MTUS2: variants seen among roughly 807,000 people sequenced by gnomAD.
The protein encoded by MTUS2 is microtubule-associated tumor suppressor candidate 2.
MTUS2 carries 40 observed loss-of-function variants against 114.1 expected under a neutral mutation model. That is an observed-to-expected ratio of 0.35 (90% confidence interval 0.27 to 0.46). The LOEUF is 0.46. MTUS2 is among the 20% of genes least tolerant of loss of function. MTUS2 has a pLI of 1.00. For missense variants in MTUS2, 1,679 were observed against 1,705.4 expected (o/e 0.98, Z 0.27); for synonymous variants, 688 against 672.0 (o/e 1.02, Z -0.37).
intron 2 of MTUS2, among the ~76,000 whole-genome samples, chr13:29,023,899 A>C (rs1886396121): frequency 6.6e-6 from 1 of 152,212 alleles, no homozygotes. Flanking sequence ...TAGTGATGTT[A>C]AATTTGATCA....
rs1878698980 is a variant in MTUS2, at chr13:28,888,146, T to G, written c.-243+48296T>G. 2.0e-5 allele frequency among the ~76,000 whole-genome samples: 3 copies of G among 152,200 alleles called. No individual in the cohort carries two copies. The South Asian group carries it at 6.2e-4, about 32-fold the overall frequency. ...TGTTCATTCCTCTCTGTCCATTATT[T>G]GTTTGAACTGTTGACTATTGTATAT... On this transcript the variant is annotated intron_variant, in intron 2 of 15. Transcript: ENST00000612955.
intron 2 of MTUS2, among the ~76,000 whole-genome samples, chr13:28,934,888 A>G (rs958457660): frequency 9.9e-5 from 15 of 152,114 alleles, no homozygotes; most frequent in Admixed American, 2.0e-4. Context: ...CACACATACA[A>G]TACTGTGTAA....
At chr13:29,349,056 C>T (rs1418775246) in intron 7 of MTUS2, among the ~76,000 whole-genome samples, 3 of 152,040 alleles carry the variant, frequency 2.0e-5, no homozygotes, top group Non-Finnish European at 4.4e-5. Context: ...TTAAATCTAC[C>T]ATCTTGCCGT....
At chr13:29,351,352 T>C (rs1566147677) in intron 7 of MTUS2, among the ~76,000 whole-genome samples, 2 of 152,086 alleles carry the variant, frequency 1.3e-5, no homozygotes, top group South Asian at 4.1e-4. Context: ...GGGCTGTAAA[T>C]TGAATCGTGG....
At chr13:28,864,703 A>G (rs1877191802) in intron 2 of MTUS2, among the ~76,000 whole-genome samples, 3 of 152,202 alleles carry the variant, frequency 2.0e-5, no homozygotes, top group Admixed American at 2.0e-4. Context: ...CTTCACACCT[A>G]AAATGCTAGG....
Position 29,025,333 on chromosome 13 carries a change from G to C in MTUS2, c.635G>C (p.Gly212Ala). The C allele has an allele frequency of 6.2e-7, 1 of 1,613,814 alleles. No individual in the cohort carries two copies. Among genetic ancestry groups the C allele is most frequent in the Non-Finnish European group, 8.5e-7 (1 of 1,179,874 alleles). The change falls in exon 3 of 16, where the codon GGT (glycine) becomes GCT (alanine). Residue 212 changes from glycine to alanine, a missense_variant. Physicochemically the swap from Gly to Ala is moderately conservative, Grantham distance 60 (BLOSUM62 0). This residue lies in a region of MTUS2 where 843 missense variants were observed against 770.8 expected (regional missense o/e 1.09). Coordinates refer to ENST00000612955, the MANE Select transcript of MTUS2 (RefSeq NM_001033602.4). ...GAAGCACGGGGTCAGATACCTGGGGGTGGGGAGGGGCCACAGAAGACATTG... is the reference window on the plus strand; with the variant it reads ...GAAGCACGGGGTCAGATACCTGGGGCTGGGGAGGGGCCACAGAAGACATTG... ...SREARGQIPGGGEGPQKTLPD... is the reference protein window; with the variant it reads ...SREARGQIPGAGEGPQKTLPD...
chr13:29,086,810 G>A (rs969823374), intron 4 of MTUS2, among the ~76,000 whole-genome samples: 31 of 152,074 alleles, frequency 2.0e-4, no homozygotes, highest in Admixed American at 1.3e-3. Context: ...GCAATGTTTT[G>A]CAGTTTTTGT....
At chr13:29,117,805 A>G (rs1891152732) in intron 5 of MTUS2, among the ~76,000 whole-genome samples, 1 of 152,178 alleles carries the variant, frequency 6.6e-6, no homozygotes, top group African/African-American at 2.4e-5. Flanking sequence ...AAAATGAAAA[A>G]TGCCACCACA....
intron 6 of MTUS2, among the ~76,000 whole-genome samples, chr13:29,297,288 C>G (rs1436079578): frequency 6.6e-6 from 1 of 152,028 alleles, no homozygotes; most frequent in East Asian, 1.9e-4. Context: ...TTTTAGATAC[C>G]AGGCATATAA....
At chr13:29,291,528 G>T (rs1898713666) in intron 6 of MTUS2, among the ~76,000 whole-genome samples, 2 of 152,196 alleles carry the variant, frequency 1.3e-5, no homozygotes, top group Non-Finnish European at 2.9e-5. Context: ...CCTCAGCTGT[G>T]GCTCCCTGGG....
intron 2 of MTUS2, 68 bp downstream of exon 2, chr13:28,839,918 A>T (rs1256055568): frequency 6.7e-6 from 1 of 149,114 alleles, no homozygotes; most frequent in Non-Finnish European, 1.5e-5. Context: ...TGTCTCTCAA[A>T]TGTTGTTTAC....
At chr13:28,850,662 C>T (rs1876208706) in intron 2 of MTUS2, among the ~76,000 whole-genome samples, 1 of 152,196 alleles carries the variant, frequency 6.6e-6, no homozygotes, top group African/African-American at 2.4e-5. Context: ...AATTTTGATA[C>T]AGAGAACTTT....
At chr13:29,474,112 A>G (rs549919434) in intron 9 of MTUS2, among the ~76,000 whole-genome samples, 2 of 152,310 alleles carry the variant, frequency 1.3e-5, no homozygotes, top group South Asian at 4.1e-4. Context: ...TGTAAGCATC[A>G]CCTCTCATTT....
chr13:29,230,233 A>G (rs1187226168), intron 5 of MTUS2, among the ~76,000 whole-genome samples: 2 of 152,218 alleles, frequency 1.3e-5, no homozygotes, highest in Admixed American at 1.3e-4. Flanking sequence ...GAGACAGAGC[A>G]AGACTCCGTC....
At chr13:29,073,167 CAG>C (rs1359887745) in intron 4 of MTUS2, among the ~76,000 whole-genome samples, 5 of 152,192 alleles carry the variant, frequency 3.3e-5, no homozygotes, top group Non-Finnish European at 5.9e-5. Context: ...AGTGCAAATG[CAG>C]ACACTCAGGT....
intron 5 of MTUS2, among the ~76,000 whole-genome samples, chr13:29,121,167 T>C (rs1341920846): frequency 6.6e-6 from 1 of 152,164 alleles, no homozygotes; most frequent in African/African-American, 2.4e-5. Context: ...CACTTATCCC[T>C]AAGGAAACTA....
chr13:29,006,127 A>G (rs939295426), intron 2 of MTUS2, among the ~76,000 whole-genome samples: 8 of 152,172 alleles, frequency 5.3e-5, no homozygotes, highest in African/African-American at 1.9e-4. Context: ...CAAAACCAGA[A>G]GGTAGGTGGA....
intron 2 of MTUS2, among the ~76,000 whole-genome samples, chr13:28,978,362 T>C (rs1884211502): frequency 6.6e-6 from 1 of 152,196 alleles, no homozygotes; most frequent in African/African-American, 2.4e-5. Flanking sequence ...GGGAATAGGA[T>C]AGAATATCCA....
chr13:29,475,161 G>C (rs535028991), intron 9 of MTUS2, among the ~76,000 whole-genome samples: 1 of 152,140 alleles, frequency 6.6e-6, no homozygotes, highest in Non-Finnish European at 1.5e-5. Context: ...GTACAAAGGT[G>C]GTCCCACAAG....
Sources: gnomAD v4.1 joint callset for allele counts (sites outside exome capture counted in the v4.1 genomes callset) on GRCh38, gnomAD v4.1.1 for gene constraint, gnomAD v4.1.1 regional missense constraint, MANE v1.5 for transcripts, NCBI Gene and HGNC (gene_info 2026-07-23, HGNC 2026-07-21) for gene names.